The following PCDH9 variants were observed in gnomAD, a reference collection of about 807,000 sequenced individuals.
The protein encoded by PCDH9 is protocadherin-9.
In PCDH9, 24 loss-of-function variants were observed where a neutral mutation model predicts 70.6. The observed-to-expected ratio is 0.34, with a 90% CI of 0.25 to 0.48. The LOEUF (loss-of-function observed/expected upper bound fraction) is 0.48, where lower values mean the gene tolerates loss of function less well. Among genes scored for constraint, PCDH9 ranks in the 20% least tolerant of loss-of-function variants. The probability of loss-of-function intolerance (pLI) is 0.99; values close to 1 mark genes in which losing one functional copy is unlikely to be tolerated. For synonymous variants in PCDH9, 562 were observed against 558.5 expected (o/e 1.01, Z -0.09); for missense variants, 1,281 against 1,503.6 (o/e 0.85, Z 2.45).
intron 4 of PCDH9, among the ~76,000 whole-genome samples, chr13:66,537,916 T>C (rs1960775026): frequency 6.6e-6 from 1 of 152,152 alleles, no homozygotes; most frequent in Non-Finnish European, 1.5e-5. Flanking sequence ...AGTAATTTAT[T>C]GTGGATTGTT....
chr13:66,421,280 C>T (rs918157636), intron 4 of PCDH9, among the ~76,000 whole-genome samples: 9 of 152,114 alleles, frequency 5.9e-5, no homozygotes, highest in South Asian at 2.1e-4. Context: ...AGAACTTCCC[C>T]GACCTAGCAA....
intron 3 of PCDH9, among the ~76,000 whole-genome samples, chr13:66,873,415 C>A (rs1183520711): frequency 6.6e-6 from 1 of 151,890 alleles, no homozygotes; most frequent in Non-Finnish European, 1.5e-5. Flanking sequence ...TCAAACAATC[C>A]AATTTATTTT....
At chr13:66,605,234 AT>A (rs1269306626) in intron 4 of PCDH9, among the ~76,000 whole-genome samples, 1 of 152,090 alleles carries the variant, frequency 6.6e-6, no homozygotes, top group African/African-American at 2.4e-5. Context: ...CAAAAATAAT[AT>A]TTGTACCAGT....
chr13:66,719,462 G>A (rs1028883030), intron 3 of PCDH9, among the ~76,000 whole-genome samples: 2 of 152,126 alleles, frequency 1.3e-5, no homozygotes, highest in African/African-American at 4.8e-5. Context: ...CCTCCACCAT[G>A]TGAGGACTCA....
intron 2 of PCDH9, among the ~76,000 whole-genome samples, chr13:67,139,597 A>T (rs1037826621): frequency 6.6e-6 from 1 of 152,214 alleles, no homozygotes; most frequent in African/African-American, 2.4e-5. Context: ...CAAATATACT[A>T]CTATTATACT....
intron 3 of PCDH9, among the ~76,000 whole-genome samples, chr13:66,760,358 T>C (rs1456776209): frequency 6.6e-6 from 1 of 152,118 alleles, no homozygotes; most frequent in African/African-American, 2.4e-5. Context: ...CTACTTGATG[T>C]CTTTGGATGT....
chr13:66,987,805 G>GTCATAT (rs2083924277), intron 2 of PCDH9, among the ~76,000 whole-genome samples: 1 of 151,908 alleles, frequency 6.6e-6, no homozygotes, highest in Non-Finnish European at 1.5e-5. Flanking sequence ...TGTCTTATTT[G>GTCATAT]AAAATGTCAA....
chr13:67,091,026 C>T, intron 2 of PCDH9, among the ~76,000 whole-genome samples: 1 of 152,012 alleles, frequency 6.6e-6, no homozygotes, highest in East Asian at 1.9e-4. Context: ...CTTCACTGTA[C>T]TTTTCTTCCA....
intron 2 of PCDH9, among the ~76,000 whole-genome samples, chr13:67,099,994 G>A (rs2086399176): frequency 6.6e-6 from 1 of 152,080 alleles, no homozygotes; most frequent in Non-Finnish European, 1.5e-5. Context: ...TCTTCCTCGT[G>A]ATGTTAAATC....
chr13:67,112,461 C>A (rs1200650876), intron 2 of PCDH9, among the ~76,000 whole-genome samples: 1 of 152,130 alleles, frequency 6.6e-6, no homozygotes, highest in African/African-American at 2.4e-5. Flanking sequence ...TTATTTCACT[C>A]TCTGCATCAT....
chr13:67,058,210 G>A (rs2085460729), intron 2 of PCDH9, among the ~76,000 whole-genome samples: 1 of 152,072 alleles, frequency 6.6e-6, no homozygotes, highest in African/African-American at 2.4e-5. Flanking sequence ...TTTGTTCAAT[G>A]TACACATATA....
intron 2 of PCDH9, among the ~76,000 whole-genome samples, chr13:66,917,679 C>CT (rs1452720886): frequency 1.3e-5 from 2 of 151,388 alleles, no homozygotes; most frequent in Non-Finnish European, 3.0e-5. Flanking sequence ...CATAAGTTTT[C>CT]TTTTAAATCT....
rs923233185 is a variant in PCDH9 at position 66,608,936 on chromosome 13, CTT to C, written c.3340+22272_3340+22273del. Among the ~76,000 whole-genome samples, 23 of 152,276 alleles carry C rather than the reference CTT, an allele frequency of 1.5e-4. No homozygotes were observed. The East Asian group carries it at 4.4e-3, about 29-fold the overall frequency. The stretch of plus-strand genomic sequence containing the variant: ...ATACAGCCTTGAATTGCAGCAAAGA[CTT>C]TAGCTAAGGGACCTCACACGGTCTC... On this transcript the variant is annotated intron_variant, in intron 4 of 4. Coordinates refer to ENST00000377865, the MANE Select transcript of PCDH9 (RefSeq NM_203487.3).
chr13:66,709,070 T>C (rs139751490), intron 3 of PCDH9, among the ~76,000 whole-genome samples: 206 of 152,354 alleles, frequency 1.4e-3, no homozygotes, highest in African/African-American at 4.8e-3. Context: ...TTTTCATTTG[T>C]AATATATTGT....
intron 4 of PCDH9, among the ~76,000 whole-genome samples, chr13:66,384,149 A>G (rs1956890145): frequency 6.6e-6 from 1 of 152,076 alleles, no homozygotes; most frequent in South Asian, 2.1e-4. Flanking sequence ...TAGTTTTCAC[A>G]TATTTATACA....
At chr13:66,706,500 C>A (rs2078713352) in intron 3 of PCDH9, among the ~76,000 whole-genome samples, 1 of 152,164 alleles carries the variant, frequency 6.6e-6, no homozygotes, top group African/African-American at 2.4e-5. Context: ...GACAAGTACA[C>A]CTGGTAAATA....
At chr13:66,346,594 G>T (rs1386638849) in intron 4 of PCDH9, among the ~76,000 whole-genome samples, 1 of 152,128 alleles carries the variant, frequency 6.6e-6, no homozygotes, top group African/African-American at 2.4e-5. Flanking sequence ...TTCAATTCCT[G>T]CAATACCCCC....
chr13:67,216,497 A>G (rs911713767), intron 2 of PCDH9: 6 of 151,632 alleles, frequency 4.0e-5, no homozygotes, highest in East Asian at 3.9e-4. Flanking sequence ...ATTACTCTAT[A>G]TACCTAAATC....
At chr13:66,560,879 G>A (rs9571599) in intron 4 of PCDH9, among the ~76,000 whole-genome samples, 15,209 of 152,250 alleles carry the variant, frequency 0.1, 1,178 homozygotes, top group East Asian at 0.43. Context: ...GTCATATAAA[G>A]GACTGAGAGG....
Sources: gnomAD v4.1 joint callset for allele counts (sites outside exome capture counted in the v4.1 genomes callset) on GRCh38, gnomAD v4.1.1 for gene constraint, MANE v1.5 for transcripts, NCBI Gene and HGNC (gene_info 2026-07-23, HGNC 2026-07-21) for gene names.